QKI: variants seen among roughly 807,000 people sequenced by gnomAD.
QKI encodes the protein KH domain-containing RNA-binding protein QKI.
Under a neutral mutation model 39.0 loss-of-function variants are expected in QKI, and 10 were observed. The observed-to-expected ratio is 0.26, with a 90% CI of 0.16 to 0.43. QKI has a LOEUF of 0.43. QKI is among the 20% of genes least tolerant of loss of function. The pLI is 1.00. For missense variants in QKI, 218 were observed against 428.0 expected (o/e 0.51, Z 4.33); for synonymous variants, 204 against 155.4 (o/e 1.31, Z -2.33).
intron 3 of QKI, among the ~76,000 whole-genome samples, chr6:163,513,003 C>A (rs953925591): frequency 1.3e-5 from 2 of 152,162 alleles, no homozygotes; most frequent in Non-Finnish European, 2.9e-5. Flanking sequence ...ACCTGTGGTA[C>A]AGTACAAGAT....
At chr6:163,540,848 A>G (rs1187450953) in intron 4 of QKI, among the ~76,000 whole-genome samples, 1 of 152,048 alleles carries the variant, frequency 6.6e-6, no homozygotes, top group African/African-American at 2.4e-5. Context: ...GTTTTTATCT[A>G]GTCTAAATTG....
chr6:163,419,569 C>T (rs1354945752), intron 1 of QKI, among the ~76,000 whole-genome samples: 1 of 152,148 alleles, frequency 6.6e-6, no homozygotes, highest in African/African-American at 2.4e-5. Context: ...TTTATAATCA[C>T]TTCTTTCCAT....
intron 3 of QKI, among the ~76,000 whole-genome samples, chr6:163,520,100 A>G (rs955516006): frequency 1.3e-5 from 2 of 152,170 alleles, no homozygotes; most frequent in Non-Finnish European, 2.9e-5. Context: ...TGGGTTGATA[A>G]TAGGGAGAGG....
chr6:163,534,172 C>G (rs531263521), intron 3 of QKI, among the ~76,000 whole-genome samples: 2 of 152,252 alleles, frequency 1.3e-5, no homozygotes, highest in Non-Finnish European at 2.9e-5. Context: ...TACTTAACCT[C>G]CCTGTAGCTT....
At chr6:163,486,275 G>A (rs1777672425) in intron 3 of QKI, among the ~76,000 whole-genome samples, 2 of 152,184 alleles carry the variant, frequency 1.3e-5, no homozygotes, top group Non-Finnish European at 2.9e-5. Flanking sequence ...CAGAATGTGG[G>A]CTTTGAAATA....
intron 1 of QKI, among the ~76,000 whole-genome samples, chr6:163,420,245 T>G (rs1172446426): frequency 6.6e-6 from 1 of 150,730 alleles, no homozygotes; most frequent in African/African-American, 2.4e-5. Flanking sequence ...TACACCAGTG[T>G]GATCATAGGA....
intron 3 of QKI, among the ~76,000 whole-genome samples, chr6:163,503,310 GGGTCTAATTTCATTCTT>G (rs1778896004): frequency 6.6e-6 from 1 of 151,910 alleles, no homozygotes; most frequent in South Asian, 2.1e-4. Flanking sequence ...TGAAAGATGT[GGGTCTAATTTCATTCTT>G]CTGCATGTGG....
intron 4 of QKI, among the ~76,000 whole-genome samples, chr6:163,535,881 G>C (rs1781170194): frequency 6.6e-6 from 1 of 152,164 alleles, no homozygotes; most frequent in Non-Finnish European, 1.5e-5. Context: ...GCAGTGAGCT[G>C]AGATTGCGCC....
At chr6:163,439,345 T>C (rs1485769766) in intron 1 of QKI, among the ~76,000 whole-genome samples, 1 of 148,708 alleles carries the variant, frequency 6.7e-6, no homozygotes, top group Non-Finnish European at 1.5e-5. Context: ...TTTTTGTTTT[T>C]TTTTTTTTTC....
rs1261582445 is a variant in QKI, at chr6:163,575,802, G to A, written c.*5092G>A. 5.3e-5 allele frequency: 8 copies of A among 150,150 alleles called. No homozygotes were observed. Among genetic ancestry groups the A allele is most frequent in the South Asian group, 2.1e-4 (1 of 4,798 alleles). 9.3% of individuals were successfully genotyped at this position (150,150 alleles called of 1,614,324 possible). On this transcript the variant is annotated 3_prime_UTR_variant, in exon 8 of 8. Transcript: ENST00000361752. ...AAATCAAGACTCTTCATATATATAC[G>A]TGTGTGTATATATATATGTCATAAC...
At chr6:163,528,890 T>C (rs983837868) in intron 3 of QKI, among the ~76,000 whole-genome samples, 1 of 152,208 alleles carries the variant, frequency 6.6e-6, no homozygotes, top group African/African-American at 2.4e-5. Context: ...TCTGAACATA[T>C]TTATACATAT....
intron 1 of QKI, among the ~76,000 whole-genome samples, chr6:163,442,334 C>T (rs764900721): frequency 3.9e-5 from 6 of 152,184 alleles, no homozygotes; most frequent in South Asian, 4.2e-4. Context: ...TAATTTCTAG[C>T]GTGGTAAGTT....
Position 163,488,806 on chromosome 6 carries a change from T to A in QKI, c.402+9910T>A, listed in dbSNP as rs372791215. 5.3e-5 allele frequency among the ~76,000 whole-genome samples: 8 copies of A among 152,280 alleles called. No homozygotes were observed. In the East Asian group the frequency reaches 1.2e-3, roughly 22 times the overall value. On this transcript the variant is annotated intron_variant, in intron 3 of 7. Transcript: ENST00000361752. ...TAGTTGTGGAAATTGCATAAAATAT[T>A]TTCCTGTTTTCTACCTTAGAATATT... is the stretch of plus-strand genomic sequence containing the variant.
At chr6:163,539,211 A>T (rs535935253) in intron 4 of QKI, among the ~76,000 whole-genome samples, 2 of 152,186 alleles carry the variant, frequency 1.3e-5, no homozygotes, top group Non-Finnish European at 2.9e-5. Flanking sequence ...GAGAGCTGTG[A>T]GCCAGTCCTG....
chr6:163,439,616 A>C (rs1313015104), intron 1 of QKI, among the ~76,000 whole-genome samples: 3 of 148,028 alleles, frequency 2.0e-5, no homozygotes, highest in Non-Finnish European at 4.5e-5. Flanking sequence ...GGCCTCCCAA[A>C]GTGTTGAGAT....
chr6:163,541,284 G>T (rs762869391), intron 4 of QKI, among the ~76,000 whole-genome samples: 1 of 151,862 alleles, frequency 6.6e-6, no homozygotes, highest in Non-Finnish European at 1.5e-5. Flanking sequence ...TTATCATACT[G>T]TAGATTTCTA....
chr6:163,575,753 G>A lies in QKI; in HGVS notation c.*5043G>A, dbSNP rs1783944089. 6.6e-6 allele frequency: 1 copy of A among 152,010 alleles called. No individual in the cohort carries two copies. The highest frequency in any genetic ancestry group is 1.5e-5 in the Non-Finnish European group (1 of 68,012). 9.4% of individuals were successfully genotyped at this position (152,010 alleles called of 1,614,324 possible). A position where few individuals can be genotyped will look rare whatever the true frequency, so the allele number is the denominator to read the frequency against. On this transcript the variant is annotated 3_prime_UTR_variant, in exon 8 of 8. Transcript: ENST00000361752. ...TTAGTGTGCCAAAAGCAAACGATAG[G>A]TTTAAATGAAATTGCTCACTACCAA...
In QKI at chr6:163,455,340, G is replaced by A. The variant is rs1454645275; in HGVS notation, c.204G>A (p.Arg68=). 1 of 1,613,226 alleles carries A rather than the reference G, an allele frequency of 6.2e-7. No individual in the cohort carries two copies. Among genetic ancestry groups the A allele is most frequent in the African/African-American group, 1.3e-5 (1 of 74,906 alleles). The change falls in exon 2 of 8, where the codon AGG becomes AGA. Residue 68 remains arginine, a synonymous_variant. Transcript: ENST00000361752. ...NDTLNGSTEK[R]SAELPDAVGP... ...CATTAAATGGCAGTACAGAGAAAAG[G>A]AGTGCAGAATTGCCTGATGCTGTGG...
At chr6:163,502,165 A>T (rs1211950884) in intron 3 of QKI, among the ~76,000 whole-genome samples, 1 of 151,998 alleles carries the variant, frequency 6.6e-6, no homozygotes, top group East Asian at 1.9e-4. Context: ...TCTACAAAAA[A>T]TACAAAAACT....
Sources: allele counts gnomAD v4.1 joint callset (sites outside exome capture counted in the v4.1 genomes callset), GRCh38; gene constraint gnomAD v4.1.1; transcripts MANE v1.5; gene names NCBI Gene and HGNC (gene_info 2026-07-23, HGNC 2026-07-21).